The following MAGI2 variants were observed in gnomAD, a reference collection of about 807,000 sequenced individuals.
MAGI2 encodes membrane-associated guanylate kinase, WW and PDZ domain-containing protein 2.
A neutral mutation model predicts 133.3 loss-of-function variants in MAGI2; 35 were observed. That is an observed-to-expected ratio of 0.26 (90% CI 0.20 to 0.35). MAGI2 has a LOEUF of 0.35. Ranked by LOEUF, MAGI2 falls within the 10% of genes least tolerant of loss-of-function variation. MAGI2 has a pLI of 1.00. For missense variants in MAGI2, 1,636 were observed against 1,863.4 expected, an observed-to-expected ratio of 0.88 and a Z score of 2.25; for synonymous variants, 729 against 710.6, an observed-to-expected ratio of 1.03 and a Z score of -0.41.
At chr7:78,734,110 G>T (rs924404721) in intron 2 of MAGI2, among the ~76,000 whole-genome samples, 1 of 152,168 alleles carries the variant, frequency 6.6e-6, no homozygotes, top group African/African-American at 2.4e-5. Context: ...TGAGAATTTG[G>T]ACAAAGCAAT....
intron 6 of MAGI2, among the ~76,000 whole-genome samples, chr7:78,443,815 A>C (rs1787861613): frequency 6.6e-6 from 1 of 152,162 alleles, no homozygotes; most frequent in South Asian, 2.1e-4. Flanking sequence ...ACAGACATCA[A>C]AGATGTCTCA....
chr7:78,201,408 G>A (rs757619381), intron 10 of MAGI2, among the ~76,000 whole-genome samples: 6 of 152,060 alleles, frequency 3.9e-5, no homozygotes, highest in Non-Finnish European at 5.9e-5. Flanking sequence ...TCCTTATTTG[G>A]CAACTGAAGA....
At chr7:78,744,447 T>A (rs968079408) in intron 2 of MAGI2, among the ~76,000 whole-genome samples, 4 of 152,210 alleles carry the variant, frequency 2.6e-5, no homozygotes, top group Admixed American at 2.6e-4. Flanking sequence ...TCTGGTTGAT[T>A]CATCTTATGG....
chr7:78,988,616 T>G (rs1273259984), intron 2 of MAGI2, among the ~76,000 whole-genome samples: 2 of 152,128 alleles, frequency 1.3e-5, no homozygotes, highest in African/African-American at 4.8e-5. Flanking sequence ...AAGCTAGCTA[T>G]TGAAAGAGAA....
At chr7:78,598,301 G>A (rs1226178485) in intron 3 of MAGI2, among the ~76,000 whole-genome samples, 1 of 152,104 alleles carries the variant, frequency 6.6e-6, no homozygotes, top group Admixed American at 6.6e-5. Context: ...TTAGCAAAGG[G>A]AGCTCTGGAA....
intron 1 of MAGI2, among the ~76,000 whole-genome samples, chr7:79,261,500 C>T (rs887894780): frequency 6.6e-6 from 1 of 152,178 alleles, no homozygotes; most frequent in Non-Finnish European, 1.5e-5. Flanking sequence ...AAGGACAGGC[C>T]TCATGTGAGG....
intron 21 of MAGI2, among the ~76,000 whole-genome samples, chr7:78,044,432 T>C (rs1388284719): frequency 6.6e-6 from 1 of 152,264 alleles, no homozygotes; most frequent in Non-Finnish European, 1.5e-5. Context: ...TTAACACATC[T>C]GCAGACTCTA....
intron 21 of MAGI2, among the ~76,000 whole-genome samples, chr7:78,055,521 C>T (rs1812475321): frequency 1.3e-5 from 2 of 152,168 alleles, no homozygotes; most frequent in South Asian, 2.1e-4. Context: ...ACCTGGGCTA[C>T]TGTCTATAAT....
chr7:79,119,255 G>T (rs1305003732), intron 1 of MAGI2, among the ~76,000 whole-genome samples: 1 of 152,114 alleles, frequency 6.6e-6, no homozygotes, highest in Non-Finnish European at 1.5e-5. Flanking sequence ...TTTATTATTT[G>T]TAGGGAATGT....
intron 20 of MAGI2, 143 bp from the exon 21 acceptor site, chr7:78,079,228 A>G: frequency 2.7e-6 from 2 of 754,536 alleles, no homozygotes; most frequent in African/African-American, 1.8e-5. Flanking sequence ...GGAAGAGGCT[A>G]TTCCCTGGCT....
chr7:78,756,683 C>T (rs1004095038), intron 2 of MAGI2, among the ~76,000 whole-genome samples: 2 of 152,128 alleles, frequency 1.3e-5, no homozygotes, highest in African/African-American at 4.8e-5. Flanking sequence ...GGATTCCTGT[C>T]CTCTACAATC....
chr7:78,647,690 T>C (rs1386202711), intron 2 of MAGI2, among the ~76,000 whole-genome samples: 1 of 152,152 alleles, frequency 6.6e-6, no homozygotes, highest in African/African-American at 2.4e-5. Flanking sequence ...CAAACACACA[T>C]GCACACATAT....
At chr7:78,123,201 C>T (rs764107399) in intron 20 of MAGI2, among the ~76,000 whole-genome samples, 4 of 152,044 alleles carry the variant, frequency 2.6e-5, no homozygotes, top group Non-Finnish European at 4.4e-5. Context: ...TTTAATACAT[C>T]AGTATTAACT....
intron 1 of MAGI2, among the ~76,000 whole-genome samples, chr7:79,447,251 T>C (rs1848918862): frequency 6.6e-6 from 1 of 152,116 alleles, no homozygotes; most frequent in Non-Finnish European, 1.5e-5. Flanking sequence ...TCTTTAACAA[T>C]GTAAATTCAG....
At chr7:78,695,498 T>C (rs974496683) in intron 2 of MAGI2, among the ~76,000 whole-genome samples, 1 of 152,162 alleles carries the variant, frequency 6.6e-6, no homozygotes, top group Non-Finnish European at 1.5e-5. Context: ...CACATACCCT[T>C]AAGTCTTTCC....
At chr7:78,661,947 G>A (rs1813004221) in intron 2 of MAGI2, among the ~76,000 whole-genome samples, 1 of 152,148 alleles carries the variant, frequency 6.6e-6, no homozygotes, top group Non-Finnish European at 1.5e-5. Flanking sequence ...GGTATTTAAA[G>A]ACAAGAAACA....
intron 20 of MAGI2, among the ~76,000 whole-genome samples, chr7:78,119,613 T>C (rs1314790980): frequency 6.7e-6 from 1 of 148,866 alleles, no homozygotes; most frequent in Non-Finnish European, 1.5e-5. Flanking sequence ...TGAACCATAC[T>C]GTAAACTATG....
chr7:78,098,572 A>C (rs1224200701), intron 20 of MAGI2, among the ~76,000 whole-genome samples: 1 of 152,178 alleles, frequency 6.6e-6, no homozygotes, highest in Non-Finnish European at 1.5e-5. Flanking sequence ...ATTGCTGAAA[A>C]TGTATCCTTG....
intron 1 of MAGI2, among the ~76,000 whole-genome samples, chr7:79,213,206 A>C (rs374102313): frequency 8.2e-6 from 1 of 121,698 alleles, no homozygotes; most frequent in African/African-American, 2.5e-5. Context: ...ATTTTTCTGT[A>C]TTTTTCTGTA....
Sources: allele counts gnomAD v4.1 joint callset (sites outside exome capture counted in the v4.1 genomes callset), GRCh38; gene constraint gnomAD v4.1.1; transcripts MANE v1.5; gene names NCBI Gene and HGNC (gene_info 2026-07-23, HGNC 2026-07-21).